Variants in FHIT observed in about 807,000 individuals in gnomAD.
The protein encoded by FHIT is fragile histidine triad diadenosine triphosphatase.
Under a neutral mutation model 17.9 loss-of-function variants are expected in FHIT, and 19 were observed. The observed-to-expected ratio is 1.06, with a 90% CI of 0.74 to 1.56. FHIT has a LOEUF of 1.56. Among genes scored for constraint, FHIT ranks in the 40% most tolerant of loss-of-function variants. The probability of loss-of-function intolerance (pLI) is 0.00; values close to 1 mark genes in which losing one functional copy is unlikely to be tolerated. For synonymous variants in FHIT, 81 were observed against 69.7 expected (o/e 1.16, Z -0.81); for missense variants, 248 against 189.2 (o/e 1.31, Z -1.82).
intron 8 of FHIT, among the ~76,000 whole-genome samples, chr3:59,766,938 A>G (rs919454359): frequency 6.6e-6 from 1 of 152,214 alleles, no homozygotes; most frequent in Non-Finnish European, 1.5e-5. Context: ...TATTGCTTCA[A>G]AATCTGTGAG....
chr3:61,248,016 C>T (rs1409760933), intron 1 of FHIT, among the ~76,000 whole-genome samples: 3 of 152,222 alleles, frequency 2.0e-5, no homozygotes, highest in Admixed American at 2.0e-4. Context: ...ATATAGATCA[C>T]TTTCTCATCT....
At chr3:60,798,516 C>A (rs1341986693) in intron 4 of FHIT, among the ~76,000 whole-genome samples, 1 of 152,070 alleles carries the variant, frequency 6.6e-6, no homozygotes, top group Non-Finnish European at 1.5e-5. Flanking sequence ...AAAAACACTT[C>A]TTTAATGGCT....
chr3:60,942,452 C>T (rs149371500), intron 3 of FHIT, among the ~76,000 whole-genome samples: 1 of 152,170 alleles, frequency 6.6e-6, no homozygotes, highest in East Asian at 1.9e-4. Flanking sequence ...GGTATATTTT[C>T]AAGAGTATGG....
chr3:60,684,555 A>T (rs144195975), intron 4 of FHIT, among the ~76,000 whole-genome samples: 177 of 152,096 alleles, frequency 1.2e-3, no homozygotes, highest in Non-Finnish European at 2.1e-3. Flanking sequence ...CACACCTCAG[A>T]TTCCCTTAGT....
chr3:60,668,756 G>A (rs981542377), intron 4 of FHIT, among the ~76,000 whole-genome samples: 4 of 151,856 alleles, frequency 2.6e-5, no homozygotes, highest in South Asian at 2.1e-4. Flanking sequence ...TAGTAGAGAC[G>A]GGGTTCCACC....
At chr3:60,947,225 C>G (rs1377778903) in intron 3 of FHIT, among the ~76,000 whole-genome samples, 1 of 152,140 alleles carries the variant, frequency 6.6e-6, no homozygotes, top group African/African-American at 2.4e-5. Context: ...TAATTTATTT[C>G]AGCCTCCTCT....
intron 4 of FHIT, among the ~76,000 whole-genome samples, chr3:60,611,225 C>G (rs1240736570): frequency 2.0e-5 from 3 of 152,162 alleles, no homozygotes; most frequent in African/African-American, 7.2e-5. Flanking sequence ...GAACACAACA[C>G]TGAAGGTCCA....
intron 5 of FHIT, among the ~76,000 whole-genome samples, chr3:60,193,286 A>G (rs371159156): frequency 8.3e-4 from 127 of 152,250 alleles, no homozygotes; most frequent in African/African-American, 2.8e-3. Context: ...AGACATGCCG[A>G]GGGACAGAGC....
At chr3:60,184,418 A>C (rs1465313197) in intron 5 of FHIT, among the ~76,000 whole-genome samples, 1 of 152,134 alleles carries the variant, frequency 6.6e-6, no homozygotes, top group East Asian at 1.9e-4. Flanking sequence ...TGACCTTAAT[A>C]GTACTGAGGC....
intron 4 of FHIT, among the ~76,000 whole-genome samples, chr3:60,765,775 G>T (rs1248441343): frequency 1.3e-5 from 2 of 152,166 alleles, no homozygotes; most frequent in Non-Finnish European, 2.9e-5. Flanking sequence ...CTTCAGTGTG[G>T]GTGGGTACCA....
intron 5 of FHIT, among the ~76,000 whole-genome samples, chr3:60,444,824 C>G (rs752847384): frequency 1.5e-4 from 23 of 151,314 alleles, no homozygotes; most frequent in Non-Finnish European, 3.1e-4. Flanking sequence ...TGCACATGTA[C>G]CCTAGAACTT....
chr3:59,787,192 T>A (rs1245213207), intron 8 of FHIT, among the ~76,000 whole-genome samples: 1 of 152,206 alleles, frequency 6.6e-6, no homozygotes, highest in Non-Finnish European at 1.5e-5. Context: ...TTAACTAACA[T>A]GCTCAATATC....
At chr3:61,201,997 TAC>T (rs1470038380) in intron 1 of FHIT, among the ~76,000 whole-genome samples, 14 of 152,064 alleles carry the variant, frequency 9.2e-5, no homozygotes, top group Admixed American at 7.9e-4. Flanking sequence ...TGCATATATA[TAC>T]ACACACATGT....
chr3:61,248,503 T>A (rs919111877), intron 1 of FHIT, among the ~76,000 whole-genome samples: 2 of 152,194 alleles, frequency 1.3e-5, no homozygotes, highest in Non-Finnish European at 2.9e-5. Flanking sequence ...AAAATGAAAG[T>A]CACAACTTGA....
intron 1 of FHIT, among the ~76,000 whole-genome samples, chr3:61,213,651 C>T (rs903371547): frequency 1.3e-5 from 2 of 152,198 alleles, no homozygotes; most frequent in African/African-American, 2.4e-5. Context: ...CTGCACCAAG[C>T]AGACCTAATA....
At chr3:60,335,891 T>A (rs1055484720) in intron 5 of FHIT, among the ~76,000 whole-genome samples, 2 of 152,202 alleles carry the variant, frequency 1.3e-5, no homozygotes, top group African/African-American at 2.4e-5. Context: ...GAAAAATTTT[T>A]AAAAATACAT....
intron 4 of FHIT, among the ~76,000 whole-genome samples, chr3:60,612,240 A>G (rs2038808127): frequency 6.6e-6 from 1 of 152,178 alleles, no homozygotes; most frequent in South Asian, 2.1e-4. Context: ...AATAAGTCAC[A>G]TATTCTCTGA....
intron 5 of FHIT, among the ~76,000 whole-genome samples, chr3:60,098,296 C>A (rs1192014875): frequency 6.4e-4 from 94 of 146,228 alleles, no homozygotes; most frequent in Non-Finnish European, 1.2e-3. Flanking sequence ...GCCACACTGA[C>A]TTCCACAATG....
rs116689754 is a variant in FHIT, at chr3:59,813,363, G to A, written c.349-61042C>T. Among the ~76,000 whole-genome samples the A allele has an allele frequency of 2.7e-3, 418 of 152,204 alleles. 3 individuals are homozygous for A. The highest frequency in any genetic ancestry group is 9.6e-3 in the African/African-American group (397 of 41,536). ...TGGAAATGTGTGGCTTCTGGCTCTC[G>A]ATAAGGTTCGCCTGAGGACGTACCC... On this transcript the variant is annotated intron_variant, in intron 8 of 9. Coordinates refer to ENST00000492590, the MANE Select transcript of FHIT (RefSeq NM_002012.4).
Sources: gnomAD v4.1 joint callset for allele counts (sites outside exome capture counted in the v4.1 genomes callset) on GRCh38, gnomAD v4.1.1 for gene constraint, MANE v1.5 for transcripts, NCBI Gene and HGNC (gene_info 2026-07-23, HGNC 2026-07-21) for gene names.